The following KIRREL3 variants were observed in gnomAD, a reference collection of about 807,000 sequenced individuals.
KIRREL3 encodes kin of IRRE-like protein 3.
Under a neutral mutation model 89.7 loss-of-function variants are expected in KIRREL3, and 36 were observed. The observed-to-expected ratio is 0.40, with a 90% CI of 0.31 to 0.53. The LOEUF is 0.53. KIRREL3 is among the 20% of genes least tolerant of loss of function. The probability of loss-of-function intolerance (pLI) is 0.49; values close to 1 mark genes in which losing one functional copy is unlikely to be tolerated. For missense variants in KIRREL3, 864 were observed against 1,056.6 expected (o/e 0.82, Z 2.53); for synonymous variants, 445 against 441.4 (o/e 1.01, Z -0.10).
At position 126,807,542 on chromosome 11, in the gene KIRREL3, C is replaced by T. The variant is rs549494778; in HGVS notation, c.55+192913G>A. ...AAATCTCCCAGTGATATGTGCACCA[C>T]GGTAGGGAACACAGGTTTCGTGCAT... On this transcript the variant is annotated intron_variant, in intron 1 of 16. Coordinates refer to ENST00000525144, the MANE Select transcript of KIRREL3 (RefSeq NM_032531.4). This position sits in a 1 kb window ranked among gnomAD's most constrained non-coding sequence, Gnocchi z 4.3. Among the ~76,000 whole-genome samples the T allele has an allele frequency of 7.2e-5, 11 of 152,328 alleles. No individual in the cohort carries two copies. The highest frequency in any genetic ancestry group is 1.3e-4 in the Admixed American group (2 of 15,308).
rs1949960831 is a variant in KIRREL3, at chr11:126,769,750, C to A, written c.56-206838G>T. ...GCTTCCAGGGGCAAGGTGGAGGGTG[C>A]AGTGGTTTCCAGCTGGGGTTCTGGA... is the stretch of plus-strand genomic sequence containing the variant. On this transcript the variant is annotated intron_variant, in intron 1 of 16. Transcript: ENST00000525144. The surrounding 1 kb of genome is among the most constrained non-coding windows in gnomAD (Gnocchi z 4.3). 6.6e-6 allele frequency among the ~76,000 whole-genome samples: 1 copy of A among 152,124 alleles called. No individual in the cohort carries two copies. The highest frequency in any genetic ancestry group is 2.1e-4 in the South Asian group (1 of 4,832).
In KIRREL3 at chr11:126,471,731, A is replaced by C. The variant is rs1185579692; in HGVS notation, c.591+1578T>G. Among the ~76,000 whole-genome samples the C allele has an allele frequency of 6.6e-6, 1 of 152,078 alleles. No individual in the cohort carries two copies. The highest frequency in any genetic ancestry group is 1.5e-5 in the Non-Finnish European group (1 of 68,032). ...AAGGCTGTGGGGGCCTGGGCTCTGGATTGGTTGGTCTGCTTTGATATAAAG... is the reference window on the plus strand; with the variant it reads ...AAGGCTGTGGGGGCCTGGGCTCTGGCTTGGTTGGTCTGCTTTGATATAAAG... On this transcript the variant is annotated intron_variant, in intron 5 of 16. Coordinates refer to ENST00000525144, the MANE Select transcript of KIRREL3 (RefSeq NM_032531.4). This position sits in a 1 kb window ranked among gnomAD's most constrained non-coding sequence, Gnocchi z 5.4.
rs1957760695 is a variant in KIRREL3 at position 126,498,866 on chromosome 11, C to T, written c.433+22449G>A. Among the ~76,000 whole-genome samples the T allele has an allele frequency of 6.6e-6, 1 of 152,196 alleles. No homozygotes were observed. Among genetic ancestry groups the T allele is most frequent in the African/African-American group, 2.4e-5 (1 of 41,440 alleles). On this transcript the variant is annotated intron_variant, in intron 4 of 16. Coordinates refer to ENST00000525144, the MANE Select transcript of KIRREL3 (RefSeq NM_032531.4). This position sits in a 1 kb window ranked among gnomAD's most constrained non-coding sequence, Gnocchi z 4.3. ...CCTCGACGCACGGAAACTTCTGGAT[C>T]ATTAAAGAAGCTGTGTGGGCCAGGT...
chr11:126,916,928 A>G (rs530112767), intron 1 of KIRREL3, among the ~76,000 whole-genome samples: 19 of 152,334 alleles, frequency 1.2e-4, no homozygotes, highest in Non-Finnish European at 2.5e-4. Flanking sequence ...GATGTCCCCC[A>G]GCTTGGTTCT....
chr11:126,990,298 C>G lies in KIRREL3; in HGVS notation c.55+10157G>C, dbSNP rs558748013. On this transcript the variant is annotated intron_variant, in intron 1 of 16. Coordinates refer to ENST00000525144, the MANE Select transcript of KIRREL3 (RefSeq NM_032531.4). The surrounding 1 kb of genome is among the most constrained non-coding windows in gnomAD (Gnocchi z 6.3). ...ATTGTACCCCCTTAGCTGCTGCCAC[C>G]CTTCATCCGGATCCCCTCAAACACT... Among the ~76,000 whole-genome samples the G allele has an allele frequency of 3.2e-4, 48 of 152,148 alleles. No homozygotes were observed. The highest frequency in any genetic ancestry group is 4.7e-4 in the Non-Finnish European group (32 of 68,020).
intron 1 of KIRREL3, among the ~76,000 whole-genome samples, chr11:126,688,561 A>T (rs906501500): frequency 6.6e-6 from 1 of 152,222 alleles, no homozygotes; most frequent in African/African-American, 2.4e-5. Flanking sequence ...GGAGAGAGTT[A>T]GCCTCAGCTT....
chr11:126,912,786 G>A lies in KIRREL3; in HGVS notation c.55+87669C>T, dbSNP rs1008247365. Among the ~76,000 whole-genome samples the A allele has an allele frequency of 6.6e-6, 1 of 152,226 alleles. No individual in the cohort carries two copies. Among genetic ancestry groups the A allele is most frequent in the Non-Finnish European group, 1.5e-5 (1 of 68,038 alleles). On this transcript the variant is annotated intron_variant, in intron 1 of 16. Coordinates refer to ENST00000525144, the MANE Select transcript of KIRREL3 (RefSeq NM_032531.4). This position sits in a 1 kb window ranked among gnomAD's most constrained non-coding sequence, Gnocchi z 4.7. ...TTCCATTCCTGCTGGCATGGCAGGT[G>A]AAGTATAGCGAAGAGGAACTTGGCG... is the stretch of plus-strand genomic sequence containing the variant.
At position 126,703,645 on chromosome 11, in the gene KIRREL3, G is replaced by C. The variant is rs1484088226; in HGVS notation, c.56-140733C>G. Among the ~76,000 whole-genome samples, 1 of 152,216 alleles carries C rather than the reference G, an allele frequency of 6.6e-6. No homozygotes were observed. The highest frequency in any genetic ancestry group is 1.9e-4 in the East Asian group (1 of 5,192). On this transcript the variant is annotated intron_variant, in intron 1 of 16. Coordinates refer to ENST00000525144, the MANE Select transcript of KIRREL3 (RefSeq NM_032531.4). This position sits in a 1 kb window ranked among gnomAD's most constrained non-coding sequence, Gnocchi z 4.6. ...AAGTTCACACTTTGTCTTCATTCAT[G>C]ATACAAAAGAGATGTCTGTTTTCCT... is the stretch of plus-strand genomic sequence containing the variant.
At position 126,915,014 on chromosome 11, in the gene KIRREL3, G is replaced by T. The variant is rs572010943; in HGVS notation, c.55+85441C>A. ...TAAGACTCTGACCTTAAAAACCAAC[G>T]CTCTTTAATTAGGCCTTTCCTTCCC... On this transcript the variant is annotated intron_variant, in intron 1 of 16. Transcript: ENST00000525144. Among the ~76,000 whole-genome samples, 11 of 152,256 alleles carry T rather than the reference G, an allele frequency of 7.2e-5. No individual in the cohort carries two copies. In the South Asian group the frequency reaches 2.3e-3, roughly 32 times the overall value.
rs1950797875 is a variant in KIRREL3 at position 126,795,958 on chromosome 11, C to T, written c.55+204497G>A. 6.6e-6 allele frequency among the ~76,000 whole-genome samples: 1 copy of T among 152,104 alleles called. No individual in the cohort carries two copies. Among genetic ancestry groups the T allele is most frequent in the Non-Finnish European group, 1.5e-5 (1 of 68,034 alleles). ...AAAGCATGAATCAGAAATGAGAGTA[C>T]ATTTTTCACGTTGAGCTAGTACCTT... On this transcript the variant is annotated intron_variant, in intron 1 of 16. Transcript: ENST00000525144. The surrounding 1 kb of genome is among the most constrained non-coding windows in gnomAD (Gnocchi z 4.1).
chr11:126,572,907 T>G (rs570600377), intron 1 of KIRREL3, among the ~76,000 whole-genome samples: 1 of 152,104 alleles, frequency 6.6e-6, no homozygotes, highest in Non-Finnish European at 1.5e-5. Flanking sequence ...ATCACTGGAG[T>G]CAGGCAGTCA....
Position 126,614,446 on chromosome 11 carries a change from G to A in KIRREL3, c.56-51534C>T, listed in dbSNP as rs1943262525. ...ATGGATGGGTTTTAATCTTAGCTGC[G>A]TATTAGAATGCCCTGGAGAGCTTTG... On this transcript the variant is annotated intron_variant, in intron 1 of 16. Transcript: ENST00000525144. This position sits in a 1 kb window ranked among gnomAD's most constrained non-coding sequence, Gnocchi z 4.6. 6.6e-6 allele frequency among the ~76,000 whole-genome samples: 1 copy of A among 152,168 alleles called. No homozygotes were observed. The highest frequency in any genetic ancestry group is 1.5e-5 in the Non-Finnish European group (1 of 68,042).
intron 10 of KIRREL3, among the ~76,000 whole-genome samples, chr11:126,442,174 T>C (rs1955591427): frequency 6.7e-6 from 1 of 149,210 alleles, no homozygotes; most frequent in South Asian, 2.1e-4. Flanking sequence ...GGCAGGAGAA[T>C]TGCTTGAACC....
intron 4 of KIRREL3, among the ~76,000 whole-genome samples, chr11:126,478,606 C>T (rs534939519): frequency 7.0e-6 from 1 of 143,248 alleles, no homozygotes; most frequent in Admixed American, 7.5e-5. Context: ...TATGTATATG[C>T]ATGTATATGT....
rs556401915 is a variant in KIRREL3 at position 126,997,803 on chromosome 11, A to G, written c.55+2652T>C. Among the ~76,000 whole-genome samples, 1 of 152,346 alleles carries G rather than the reference A, an allele frequency of 6.6e-6. No homozygotes were observed. The highest frequency in any genetic ancestry group is 2.4e-5 in the African/African-American group (1 of 41,572). ...TCCCAGAAACTCCTAAGTGCCATGCAGATTCCCACTGTGAGATGTGTTGGA... is the reference window on the plus strand; with the variant it reads ...TCCCAGAAACTCCTAAGTGCCATGCGGATTCCCACTGTGAGATGTGTTGGA... On this transcript the variant is annotated intron_variant, in intron 1 of 16. Transcript: ENST00000525144. The surrounding 1 kb of genome is among the most constrained non-coding windows in gnomAD (Gnocchi z 4.3).
chr11:126,673,251 G>A (rs952866951), intron 1 of KIRREL3, among the ~76,000 whole-genome samples: 2 of 152,236 alleles, frequency 1.3e-5, no homozygotes, highest in Admixed American at 6.5e-5. Flanking sequence ...AGAGCGGAGA[G>A]GTTGGTGGGT....
In KIRREL3 at chr11:126,660,451, T is replaced by G. The variant is rs77757394; in HGVS notation, c.56-97539A>C. Among the ~76,000 whole-genome samples the G allele has an allele frequency of 1.5e-4, 23 of 152,330 alleles. No individual in the cohort carries two copies. In the East Asian group the frequency reaches 3.3e-3, roughly 22 times the overall value. On this transcript the variant is annotated intron_variant, in intron 1 of 16. Coordinates refer to ENST00000525144, the MANE Select transcript of KIRREL3 (RefSeq NM_032531.4). ...TTGTTCCAAAGCCGGTAAAAATGAT[T>G]TTCAGATAATCTGCTATTTTGGATC... is the stretch of plus-strand genomic sequence containing the variant.
intron 5 of KIRREL3, among the ~76,000 whole-genome samples, chr11:126,464,031 C>A (rs1381750256): frequency 6.6e-6 from 1 of 152,152 alleles, no homozygotes; most frequent in African/African-American, 2.4e-5. Context: ...TAGTCTCCTA[C>A]AGCAGGTTGA....
chr11:126,471,407 T>G lies in KIRREL3; in HGVS notation c.591+1902A>C, dbSNP rs1027312464. On this transcript the variant is annotated intron_variant, in intron 5 of 16. Coordinates refer to ENST00000525144, the MANE Select transcript of KIRREL3 (RefSeq NM_032531.4). The surrounding 1 kb of genome is among the most constrained non-coding windows in gnomAD (Gnocchi z 5.4). The stretch of plus-strand genomic sequence containing the variant: ...ATAAATAAATAAAATAAATAAAAAA[T>G]AAAAAAAGAAAGAAAAAAAGAAAAG... 2.0e-5 allele frequency among the ~76,000 whole-genome samples: 3 copies of G among 149,188 alleles called. No homozygotes were observed. The highest frequency in any genetic ancestry group is 4.9e-5 in the African/African-American group (2 of 40,494).
Sources: allele counts gnomAD v4.1 joint callset (sites outside exome capture counted in the v4.1 genomes callset), GRCh38; gene constraint gnomAD v4.1.1; non-coding constraint Gnocchi (gnomAD v3.1); transcripts MANE v1.5; gene names NCBI Gene and HGNC (gene_info 2026-07-23, HGNC 2026-07-21).